The following FBXL7 variants were observed in gnomAD, a reference collection of about 807,000 sequenced individuals.
FBXL7 encodes the protein F-box and leucine rich repeat protein 7.
FBXL7 carries 12 observed loss-of-function variants against 38.3 expected under a neutral mutation model. The ratio of observed to expected loss-of-function variants is 0.31; its 90% CI spans 0.20 to 0.51. The LOEUF (loss-of-function observed/expected upper bound fraction) is 0.51. Among genes scored for constraint, FBXL7 ranks in the 20% least tolerant of loss-of-function variants. The pLI is 0.98. For missense variants in FBXL7, 567 were observed against 676.4 expected (o/e 0.84, Z 1.79); for synonymous variants, 297 against 300.9 (o/e 0.99, Z 0.13).
At chr5:15,784,101 C>T (rs1488745206) in intron 2 of FBXL7, among the ~76,000 whole-genome samples, 1 of 152,146 alleles carries the variant, frequency 6.6e-6, no homozygotes, top group Non-Finnish European at 1.5e-5. Context: ...TTCTCTGTCT[C>T]TCACAGTAGT....
intron 2 of FBXL7, among the ~76,000 whole-genome samples, chr5:15,729,204 C>G (rs142863512): frequency 6.6e-6 from 1 of 152,098 alleles, no homozygotes; most frequent in African/African-American, 2.4e-5. Context: ...TTTTGTTTCT[C>G]GTGGACTATT....
intron 2 of FBXL7, among the ~76,000 whole-genome samples, chr5:15,783,571 T>C (rs1003702844): frequency 4.0e-5 from 6 of 151,696 alleles, no homozygotes; most frequent in Non-Finnish European, 5.9e-5. Flanking sequence ...ACAAGGAGAA[T>C]AGGAGGTCAG....
chr5:15,807,124 G>A (rs1249345386), intron 2 of FBXL7, among the ~76,000 whole-genome samples: 1 of 151,980 alleles, frequency 6.6e-6, no homozygotes, highest in African/African-American at 2.4e-5. Context: ...GCTAATATCT[G>A]TATTTTCATA....
intron 2 of FBXL7, among the ~76,000 whole-genome samples, chr5:15,732,864 G>C (rs181488750): frequency 6.6e-6 from 1 of 152,192 alleles, no homozygotes; most frequent in East Asian, 1.9e-4. Context: ...TGCACCTTCA[G>C]GACTTCCTCT....
At chr5:15,511,607 T>C (rs1736799962) in intron 1 of FBXL7, among the ~76,000 whole-genome samples, 1 of 152,266 alleles carries the variant, frequency 6.6e-6, no homozygotes, top group Non-Finnish European at 1.5e-5. Flanking sequence ...CACCAGTCCC[T>C]GGCCCAGGCT....
At chr5:15,927,623 A>G (rs566468021) in intron 2 of FBXL7, among the ~76,000 whole-genome samples, 1 of 152,010 alleles carries the variant, frequency 6.6e-6, no homozygotes, top group South Asian at 2.1e-4. Context: ...AATACAAAAA[A>G]ACTTAGCCGG....
chr5:15,553,871 G>T (rs1479555425), intron 1 of FBXL7, among the ~76,000 whole-genome samples: 2 of 152,156 alleles, frequency 1.3e-5, no homozygotes, highest in Non-Finnish European at 2.9e-5. Flanking sequence ...CTCTGCTCCT[G>T]TTCTTCAGCT....
At chr5:15,925,443 T>C (rs1741856059) in intron 2 of FBXL7, among the ~76,000 whole-genome samples, 1 of 152,274 alleles carries the variant, frequency 6.6e-6, no homozygotes, top group Non-Finnish European at 1.5e-5. Flanking sequence ...ATTCTCAGTG[T>C]TAGGTTATAA....
chr5:15,848,212 TATA>T (rs909604478), intron 2 of FBXL7, among the ~76,000 whole-genome samples: 13 of 151,620 alleles, frequency 8.6e-5, no homozygotes, highest in Middle Eastern at 3.5e-3. Flanking sequence ...AATAATTATT[TATA>T]ATAATCTGTT....
intron 2 of FBXL7, among the ~76,000 whole-genome samples, chr5:15,661,045 A>G (rs1306497638): frequency 6.6e-6 from 1 of 152,148 alleles, no homozygotes; most frequent in East Asian, 1.9e-4. Flanking sequence ...TCCAAGGTGA[A>G]CCACCTGTAT....
intron 2 of FBXL7, among the ~76,000 whole-genome samples, chr5:15,904,742 T>C (rs575316868): frequency 2.4e-4 from 37 of 152,250 alleles, no homozygotes; most frequent in African/African-American, 8.7e-4. Flanking sequence ...ATAATAATAA[T>C]GTGTGCTCTT....
Position 15,805,650 on chromosome 5 carries a change from C to T in FBXL7, c.128-122240C>T, listed in dbSNP as rs73752322. 9.6e-3 allele frequency among the ~76,000 whole-genome samples: 1,468 copies of T among 152,202 alleles called. 27 individuals are homozygous for T. The highest frequency in any genetic ancestry group is 0.033 in the African/African-American group (1,381 of 41,544). On this transcript the variant is annotated intron_variant, in intron 2 of 3. Coordinates refer to ENST00000504595, the MANE Select transcript of FBXL7 (RefSeq NM_012304.5). ...CACACAGGGACCCAAAGGCCTTATT[C>T]AACCCCTAAGGTCACTGAATTTCAA...
At chr5:15,782,393 G>T (rs1402825000) in intron 2 of FBXL7, among the ~76,000 whole-genome samples, 1 of 152,168 alleles carries the variant, frequency 6.6e-6, no homozygotes, top group African/African-American at 2.4e-5. Flanking sequence ...GATCCTTGAG[G>T]AATTGCCACA....
chr5:15,517,176 G>A (rs1010047481), intron 1 of FBXL7, among the ~76,000 whole-genome samples: 2 of 151,948 alleles, frequency 1.3e-5, no homozygotes, highest in African/African-American at 4.8e-5. Flanking sequence ...ACAGTCGCCC[G>A]CCACCATGTC....
intron 2 of FBXL7, among the ~76,000 whole-genome samples, chr5:15,686,202 G>C (rs1743012080): frequency 6.6e-6 from 1 of 152,096 alleles, no homozygotes. Flanking sequence ...TTTAAATCCT[G>C]GGCAATTTCA....
intron 1 of FBXL7, among the ~76,000 whole-genome samples, chr5:15,523,966 G>C (rs1450735508): frequency 6.6e-6 from 1 of 152,194 alleles, no homozygotes; most frequent in East Asian, 1.9e-4. Flanking sequence ...GTTGCATATA[G>C]AGATGTGATC....
At chr5:15,503,090 C>A (rs927531370) in intron 1 of FBXL7, among the ~76,000 whole-genome samples, 3 of 152,110 alleles carry the variant, frequency 2.0e-5, no homozygotes, top group Non-Finnish European at 2.9e-5. Flanking sequence ...AACTTAATAG[C>A]TAGGCAAGAT....
At chr5:15,570,629 T>G (rs1738745176) in intron 1 of FBXL7, among the ~76,000 whole-genome samples, 1 of 152,218 alleles carries the variant, frequency 6.6e-6, no homozygotes, top group African/African-American at 2.4e-5. Context: ...GGTACAGACC[T>G]GAGCCACCTC....
At chr5:15,772,462 A>T (rs893201090) in intron 2 of FBXL7, among the ~76,000 whole-genome samples, 4 of 152,320 alleles carry the variant, frequency 2.6e-5, no homozygotes, top group Admixed American at 2.6e-4. Flanking sequence ...AAATAGTTAA[A>T]GTAAAAGGCC....
Sources: gnomAD v4.1 joint callset for allele counts (sites outside exome capture counted in the v4.1 genomes callset) on GRCh38, gnomAD v4.1.1 for gene constraint, MANE v1.5 for transcripts, NCBI Gene and HGNC (gene_info 2026-07-23, HGNC 2026-07-21) for gene names.